Variants in SRSF11 observed in about 807,000 individuals in gnomAD.
The protein encoded by SRSF11 is serine/arginine-rich splicing factor 11.
SRSF11 carries 9 observed loss-of-function variants against 56.0 expected under a neutral mutation model. That is an observed-to-expected ratio of 0.16 (90% CI 0.10 to 0.28). The LOEUF is 0.28. SRSF11 is among the 10% of genes least tolerant of loss of function. The pLI is 1.00. For missense variants in SRSF11, 421 were observed against 600.7 expected, an observed-to-expected ratio of 0.70 and a Z score of 3.13; for synonymous variants, 222 against 215.3, an observed-to-expected ratio of 1.03 and a Z score of -0.27.
chr1:70,228,867 G>A lies in SRSF11; in HGVS notation c.337+312G>A, dbSNP rs552613556. 88 of 1,067,038 alleles carry A rather than the reference G, an allele frequency of 8.2e-5. No individual in the cohort carries two copies. In the African/African-American group the frequency reaches 1.4e-3, roughly 17 times the overall value. 66.1% of individuals were successfully genotyped at this position (1,067,038 alleles called of 1,614,324 possible). A position where few individuals can be genotyped will look rare whatever the true frequency, so the allele number is the denominator to read the frequency against. Reference sequence around the variant, plus strand: ...ATTTAATGTTAAGTTTTATGAAAAAGCCCTGAAGGTAAATGATTCACTCCA... The same window carrying A: ...ATTTAATGTTAAGTTTTATGAAAAAACCCTGAAGGTAAATGATTCACTCCA... On this transcript the variant is annotated intron_variant, in intron 2 of 11. Coordinates refer to ENST00000370949, the MANE Select transcript of SRSF11 (RefSeq NM_001350605.2).
chr1:70,222,543 T>C (rs542951125), intron 1 of SRSF11, among the ~76,000 whole-genome samples: 1 of 152,320 alleles, frequency 6.6e-6, no homozygotes, highest in South Asian at 2.1e-4. Context: ...TTTTGAAAAT[T>C]ATTTCTATCG....
At chr1:70,230,669 C>A in intron 2 of SRSF11, 1 of 1,229,496 alleles carries the variant, frequency 8.1e-7, no homozygotes, top group Non-Finnish European at 1.0e-6. Context: ...TTTAAATAGT[C>A]TTTTTTTAAT....
At chr1:70,242,185 A>G (rs2100914260) in intron 7 of SRSF11, among the ~76,000 whole-genome samples, 1 of 150,438 alleles carries the variant, frequency 6.6e-6, no homozygotes, top group Middle Eastern at 3.5e-3. Context: ...AAAAAAAGGG[A>G]GAGCCTGTGT....
At chr1:70,244,600 C>G in intron 7 of SRSF11, 84 bp from the exon 8 acceptor site, 1 of 1,449,790 alleles carries the variant, frequency 6.9e-7, no homozygotes. Flanking sequence ...TCCATATGTC[C>G]GAATCTTTTG....
chr1:70,207,412 C>G (rs1278757221), intron 1 of SRSF11, among the ~76,000 whole-genome samples: 1 of 152,128 alleles, frequency 6.6e-6, no homozygotes, highest in Admixed American at 6.5e-5. Flanking sequence ...CCCAACCTCA[C>G]AAGTTTCTCT....
intron 1 of SRSF11, among the ~76,000 whole-genome samples, chr1:70,222,327 T>C (rs925105549): frequency 6.6e-5 from 10 of 152,226 alleles, no homozygotes; most frequent in Non-Finnish European, 1.3e-4. Flanking sequence ...AAAGATCATA[T>C]TCTTTTTGAC....
chr1:70,216,529 C>T (rs1335642884), upstream of SRSF11, among the ~76,000 whole-genome samples: 1 of 151,694 alleles, frequency 6.6e-6, no homozygotes, highest in Non-Finnish European at 1.5e-5. Flanking sequence ...ACCTCCCAGG[C>T]TCAGGTGATC....
Position 70,221,456 on chromosome 1 carries a change from C to T in SRSF11, c.-181C>T. On this transcript the variant is annotated 5_prime_UTR_variant, in exon 1 of 12. Coordinates refer to ENST00000370949, the MANE Select transcript of SRSF11 (RefSeq NM_001350605.2). ...CGAGCTCGCGCGCTCTCATCCCCTC[C>T]CCCGCGGCGTGCGGCGGGGCGGAGA... 2.2e-6 allele frequency: 2 copies of T among 909,626 alleles called. No homozygotes were observed. Among genetic ancestry groups the T allele is most frequent in the Non-Finnish European group, 3.3e-6 (2 of 602,870 alleles). 56.3% of individuals were successfully genotyped at this position (909,626 alleles called of 1,614,324 possible).
intron 4 of SRSF11, among the ~76,000 whole-genome samples, 187 bp downstream of exon 4, chr1:70,234,975 T>G (rs925035311): frequency 6.6e-6 from 1 of 152,202 alleles, no homozygotes; most frequent in Admixed American, 6.5e-5. Context: ...TGGATTTCTT[T>G]TATATAGTTC....
At chr1:70,242,058 A>G (rs1675547461) in intron 7 of SRSF11, among the ~76,000 whole-genome samples, 1 of 151,914 alleles carries the variant, frequency 6.6e-6, no homozygotes, top group Non-Finnish European at 1.5e-5. Flanking sequence ...AATCCCAGCT[A>G]CTCAGGAGGC....
intron 3 of SRSF11, among the ~76,000 whole-genome samples, chr1:70,233,135 C>T (rs960286686): frequency 1.1e-4 from 16 of 152,242 alleles, no homozygotes; most frequent in African/African-American, 3.6e-4. Context: ...ACTTTTATCA[C>T]TTAACTCCTA....
chr1:70,245,674 G>T (rs554238213), intron 8 of SRSF11, among the ~76,000 whole-genome samples: 7 of 152,254 alleles, frequency 4.6e-5, no homozygotes, highest in African/African-American at 1.7e-4. Context: ...AGACTCAACG[G>T]GAGGCATGCT....
chr1:70,207,796 G>C (rs1669189146), intron 1 of SRSF11, among the ~76,000 whole-genome samples: 1 of 150,814 alleles, frequency 6.6e-6, no homozygotes, highest in African/African-American at 2.4e-5. Flanking sequence ...TGCGATCACA[G>C]CTCACTGCAA....
intron 1 of SRSF11, 47 bp downstream of exon 1, chr1:70,221,886 T>G: frequency 6.2e-7 from 1 of 1,608,962 alleles, no homozygotes; most frequent in Non-Finnish European, 8.5e-7. Flanking sequence ...CGCCTCAGCC[T>G]GGGCCTAACA....
rs1034921828 is a variant in SRSF11 at position 70,231,693 on chromosome 1, C to T, written c.338-575C>T. The T allele has an allele frequency of 1.0e-5, 12 of 1,191,486 alleles. No homozygotes were observed. The Admixed American group carries it at 1.4e-4, about 13-fold the overall frequency. 73.8% of individuals were successfully genotyped at this position (1,191,486 alleles called of 1,614,324 possible). On this transcript the variant is annotated intron_variant, in intron 2 of 11. Transcript: ENST00000370949. ...TTTTCATGAGTCAGCAAAAGCCCTA[C>T]GCTTGATTCCAACAGAATATTTCCT... is the stretch of plus-strand genomic sequence containing the variant.
chr1:70,223,261 C>T (rs1671048736), intron 1 of SRSF11, among the ~76,000 whole-genome samples: 1 of 152,044 alleles, frequency 6.6e-6, no homozygotes, highest in South Asian at 2.1e-4. Context: ...CAATTCTTTC[C>T]AATCCTACAA....
rs200093391 is a variant in SRSF11, at chr1:70,221,651, C to T, written c.15C>T (p.Thr5=). The T allele has an allele frequency of 2.5e-6, 4 of 1,611,318 alleles. No homozygotes were observed. Among genetic ancestry groups the T allele is most frequent in the African/African-American group, 1.3e-5 (1 of 74,752 alleles). Residue 5 remains threonine, a synonymous_variant, in exon 1 of 12, where the codon ACC becomes ACT. Coordinates refer to ENST00000370949, the MANE Select transcript of SRSF11 (RefSeq NM_001350605.2). ...CGAGCAGCGCCATGAGCAACACTAC[C>T]GTCGTCCCCAGCACTGCAGGTCCGG... The part of the protein sequence containing the change: MSNT[T]VVPSTAGPGP...
upstream of SRSF11, among the ~76,000 whole-genome samples, chr1:70,220,055 G>A (rs893895561): frequency 6.6e-6 from 1 of 152,194 alleles, no homozygotes; most frequent in Non-Finnish European, 1.5e-5. Context: ...AGGTATATTT[G>A]TGCGTGTGTC....
chr1:70,206,858 C>G (rs1669081447), intron 1 of SRSF11, among the ~76,000 whole-genome samples: 1 of 150,768 alleles, frequency 6.6e-6, no homozygotes, highest in Non-Finnish European at 1.5e-5. Flanking sequence ...TAGTTGTTAC[C>G]CTACTAAAAA....
Sources: allele counts gnomAD v4.1 joint callset (sites outside exome capture counted in the v4.1 genomes callset), GRCh38; gene constraint gnomAD v4.1.1; transcripts MANE v1.5; gene names NCBI Gene and HGNC (gene_info 2026-07-23, HGNC 2026-07-21).